XDH: variants seen among roughly 807,000 people sequenced by gnomAD.
The protein encoded by XDH is xanthine dehydrogenase.
Under a neutral mutation model 156.1 loss-of-function variants are expected in XDH, and 138 were observed. The observed-to-expected ratio is 0.88, with a 90% CI of 0.77 to 1.02. The LOEUF (loss-of-function observed/expected upper bound fraction) is 1.02, where lower values mean the gene tolerates loss of function less well. Among genes scored for constraint, XDH ranks in the 50% least tolerant of loss-of-function variants. The pLI is 0.00. For synonymous variants in XDH, 669 were observed against 625.7 expected (o/e 1.07, Z -1.03); for missense variants, 1,849 against 1,684.9 (o/e 1.10, Z -1.71).
At chr2:31,385,691 C>G (rs1297021594) in intron 9 of XDH, among the ~76,000 whole-genome samples, 5 of 152,230 alleles carry the variant, frequency 3.3e-5, no homozygotes, top group Non-Finnish European at 7.3e-5. Context: ...TCTTACAGCA[C>G]TGGGGCTGAG....
chr2:31,398,115 T>C (rs1686957866), intron 5 of XDH, among the ~76,000 whole-genome samples: 1 of 152,158 alleles, frequency 6.6e-6, no homozygotes, highest in Admixed American at 6.5e-5. Context: ...CTAAAATAAC[T>C]GAATAAATGA....
At chr2:31,347,156 C>T (rs1243747056) in intron 29 of XDH, among the ~76,000 whole-genome samples, 1 of 152,134 alleles carries the variant, frequency 6.6e-6, no homozygotes, top group African/African-American at 2.4e-5. Context: ...TGATTATATC[C>T]CCCATATGGC....
intron 16 of XDH, 106 bp from the exon 17 acceptor site, chr2:31,372,503 G>A (rs1686104494): frequency 1.3e-6 from 2 of 1,495,978 alleles, no homozygotes; most frequent in East Asian, 2.3e-5. Flanking sequence ...AGGACACCAA[G>A]GGGTAAGAAT....
At chr2:31,386,621 C>G in intron 8 of XDH, 66 bp from the exon 9 acceptor site, 2 of 1,605,028 alleles carry the variant, frequency 1.2e-6, no homozygotes, top group Non-Finnish European at 1.7e-6. Context: ...TTATAAATTG[C>G]TTTAAGTCCT....
chr2:31,405,999 G>GTATA, intron 1 of XDH, 35 bp from the exon 2 acceptor site: 1 of 1,602,936 alleles, frequency 6.2e-7, no homozygotes. Flanking sequence ...TATATCATAG[G>GTATA]TATACTTAGT....
At chr2:31,370,079 A>T (rs528460131) in intron 18 of XDH, among the ~76,000 whole-genome samples, 58 of 152,350 alleles carry the variant, frequency 3.8e-4, no homozygotes, top group African/African-American at 1.4e-3. Context: ...GTTGTCCCTT[A>T]AGAACCGAAT....
intron 11 of XDH, 119 bp downstream of exon 11, chr2:31,382,882 G>C (rs1488822751): frequency 6.8e-7 from 1 of 1,462,166 alleles, no homozygotes; most frequent in Non-Finnish European, 9.4e-7. Context: ...GCTCCTCCCA[G>C]GCAACTCTAA....
chr2:31,381,610 G>A (rs779775998), intron 12 of XDH, 23 bp downstream of exon 12: 2 of 1,612,434 alleles, frequency 1.2e-6, no homozygotes, highest in South Asian at 2.2e-5. Context: ...CTTCTTCCTG[G>A]ACCTCTGCTT....
chr2:31,370,429 T>A lies in XDH; in HGVS notation c.1906A>T (p.Ile636Phe), dbSNP rs1291766720. ...CTCCCAGGAACATCATCAGCGGAAA[T>A]GAAACAAACAAACCCTGGAACCTTC... ...AKKVPGFVCF[I>F]SADDVPGSNI... The change falls in exon 18 of 36, where the codon ATT (isoleucine) becomes TTT (phenylalanine). Residue 636 changes from isoleucine (I) to phenylalanine (F), a missense_variant. Transcript: ENST00000379416. The A allele has an allele frequency of 6.2e-7, 1 of 1,614,172 alleles. No homozygotes were observed. Among genetic ancestry groups the A allele is most frequent in the Admixed American group, 1.7e-5 (1 of 60,024 alleles).
chr2:31,369,192 A>C (rs904863865), intron 18 of XDH, among the ~76,000 whole-genome samples: 1 of 152,192 alleles, frequency 6.6e-6, no homozygotes, highest in Non-Finnish European at 1.5e-5. Flanking sequence ...TGTAAGCATC[A>C]ATATAAGGCC....
chr2:31,338,235 T>G (rs1685020745), intron 34 of XDH, among the ~76,000 whole-genome samples: 1 of 152,212 alleles, frequency 6.6e-6, no homozygotes, highest in Non-Finnish European at 1.5e-5. Context: ...CATAGTCATA[T>G]TACAGCATCC....
In XDH at chr2:31,375,452, G is replaced by A; in HGVS notation, c.1530C>T (p.Thr510=). The A allele has an allele frequency of 6.2e-7, 1 of 1,614,152 alleles. No individual in the cohort carries two copies. Among genetic ancestry groups the A allele is most frequent in the Non-Finnish European group, 8.5e-7 (1 of 1,180,036 alleles). The change falls in exon 15 of 36, where the codon ACC becomes ACT. Residue 510 remains threonine, a synonymous_variant. Coordinates refer to ENST00000379416, the MANE Select transcript of XDH (RefSeq NM_000379.4). Reference sequence around the variant, plus strand: ...ACTTGAAGAAGAAGCTGAGGGTGAGGGTGCACCGGAAGTCCACCATGCCAC... The same window carrying A: ...ACTTGAAGAAGAAGCTGAGGGTGAGAGTGCACCGGAAGTCCACCATGCCAC... ...APGGMVDFRC[T]LTLSFFFKFY...
chr2:31,336,135 A>G, intron 35 of XDH, 127 bp from the exon 36 acceptor site: 1 of 1,020,726 alleles, frequency 9.8e-7, no homozygotes, highest in South Asian at 1.3e-5. Context: ...CTGCAGGCCT[A>G]GCTGTTGAGA....
chr2:31,377,281 A>G (rs755235893), intron 13 of XDH, 44 bp from the exon 14 acceptor site: 25 of 1,611,878 alleles, frequency 1.6e-5, no homozygotes, highest in Non-Finnish European at 2.0e-5. Context: ...CTTGCTCTGT[A>G]GGGGCTGCAA....
At chr2:31,352,668 A>G (rs1685515959) in intron 24 of XDH, among the ~76,000 whole-genome samples, 1 of 152,228 alleles carries the variant, frequency 6.6e-6, no homozygotes, top group South Asian at 2.1e-4. Flanking sequence ...CTAGGGACAA[A>G]GACTGTATGT....
chr2:31,372,355 G>A lies in XDH; in HGVS notation c.1729C>T (p.Pro577Ser), dbSNP rs1040792379. The A allele has an allele frequency of 3.1e-6, 5 of 1,614,044 alleles. No homozygotes were observed. Among genetic ancestry groups the A allele is most frequent in the Non-Finnish European group, 4.2e-6 (5 of 1,180,052 alleles). Residue 577 changes from proline (P) to serine (S), a missense_variant, in exon 17 of 36, where the codon CCC becomes TCC. Physicochemically the swap from Pro to Ser is moderately conservative, Grantham distance 74. Transcript: ENST00000379416. ...ATGTCCGCTGCCAGGTGGGGCAGGG[G>A]CCGGCCCACCATGTCCTCCTCAGAC... is the stretch of plus-strand genomic sequence containing the variant. ...GQSEEDMVGR[P>S]LPHLAADMQA...
chr2:31,375,476 AC>A lies in XDH; in HGVS notation c.1505del (p.Gly502ValfsTer20). 6.2e-7 allele frequency: 1 copy of A among 1,614,148 alleles called. No homozygotes were observed. The highest frequency in any genetic ancestry group is 1.7e-5 in the Admixed American group (1 of 60,018). On this transcript the variant is annotated frameshift_variant, in exon 15 of 36. Coordinates refer to ENST00000379416, the MANE Select transcript of XDH (RefSeq NM_000379.4). LOFTEE classifies it high-confidence loss of function. ...GGGTGCACCGGAAGTCCACCATGCC[AC>A]CAGGGGCATCGGGAGGCAGATGCAG... The part of the protein sequence containing the change: ...EELHLPPDAP[G>X]GMVDFRCTLT...
chr2:31,387,762 G>A (rs1177795152), intron 8 of XDH, 49 bp downstream of exon 8: 5 of 1,505,064 alleles, frequency 3.3e-6, no homozygotes, highest in East Asian at 2.4e-5. Flanking sequence ...AGGTTTCCAG[G>A]GACTCACAGT....
chr2:31,343,520 C>A (rs1375054449), intron 31 of XDH, among the ~76,000 whole-genome samples: 2 of 98,400 alleles, frequency 2.0e-5, no homozygotes, highest in Non-Finnish European at 4.2e-5. Context: ...GTATATAAAG[C>A]ATACATATAT....
Sources: allele counts gnomAD v4.1 joint callset (sites outside exome capture counted in the v4.1 genomes callset), GRCh38; gene constraint gnomAD v4.1.1; transcripts MANE v1.5; gene names NCBI Gene and HGNC (gene_info 2026-07-23, HGNC 2026-07-21).